DNAH5: variants seen among roughly 807,000 people sequenced by gnomAD.
DNAH5 encodes dynein axonemal heavy chain 5.
A neutral mutation model predicts 518.2 loss-of-function variants in DNAH5; 372 were observed. The observed-to-expected ratio is 0.72, with a 90% CI of 0.66 to 0.78. DNAH5 has a LOEUF of 0.78. DNAH5 is among the 30% of genes least tolerant of loss of function. DNAH5 has a pLI of 0.00. For synonymous variants in DNAH5, 2,039 were observed against 2,025.9 expected, an observed-to-expected ratio of 1.01 and a Z score of -0.17; for missense variants, 5,523 against 5,687.0, an observed-to-expected ratio of 0.97 and a Z score of 0.93.
chr5:13,850,207 A>T (rs903418644), intron 31 of DNAH5, among the ~76,000 whole-genome samples: 1 of 152,210 alleles, frequency 6.6e-6, no homozygotes, highest in Non-Finnish European at 1.5e-5. Flanking sequence ...TGACTCTTGG[A>T]ATTCACAACG....
chr5:13,695,424 G>A lies in DNAH5; in HGVS notation c.13724-3289C>T, dbSNP rs150226205. 2.5e-3 allele frequency among the ~76,000 whole-genome samples: 379 copies of A among 152,254 alleles called. 5 individuals carry two copies. The highest frequency in any genetic ancestry group is 2.0e-3 in the Non-Finnish European group (137 of 68,018). On this transcript the variant is annotated intron_variant, in intron 78 of 78. Transcript: ENST00000265104. Reference sequence around the variant, plus strand: ...CTGAGAAAAATTAACTCAGGACTTCGATATTCAAGGGAGCTGTCCTCATTT... The same window carrying A: ...CTGAGAAAAATTAACTCAGGACTTCAATATTCAAGGGAGCTGTCCTCATTT...
At chr5:13,785,018 G>A (rs535809252) in intron 52 of DNAH5, among the ~76,000 whole-genome samples, 4 of 151,954 alleles carry the variant, frequency 2.6e-5, no homozygotes, top group African/African-American at 7.2e-5. Context: ...TGATTCAAGC[G>A]CATTACATTT....
upstream of DNAH5, among the ~76,000 whole-genome samples, chr5:13,945,054 T>C (rs1560986088): frequency 1.3e-5 from 2 of 152,210 alleles, no homozygotes; most frequent in Admixed American, 1.3e-4. Flanking sequence ...GGAGCCATTT[T>C]CTCCACCACA....
At chr5:13,986,446 T>C (rs915326084) in intron 1 of DNAH5, among the ~76,000 whole-genome samples, 1 of 152,164 alleles carries the variant, frequency 6.6e-6, no homozygotes, top group African/African-American at 2.4e-5. Context: ...AGAGTTTCCA[T>C]CCCTGAATTT....
chr5:13,699,025 G>A (rs910511330), intron 78 of DNAH5, among the ~76,000 whole-genome samples: 1 of 152,142 alleles, frequency 6.6e-6, no homozygotes, highest in Non-Finnish European at 1.5e-5. Context: ...CCACGAGAAT[G>A]GGAAGCCTGT....
At chr5:13,837,949 T>C (rs916132614) in intron 35 of DNAH5, among the ~76,000 whole-genome samples, 1 of 151,988 alleles carries the variant, frequency 6.6e-6, no homozygotes, top group Non-Finnish European at 1.5e-5. Context: ...TTCCACCCAC[T>C]TCGGCCTCCC....
intron 1 of DNAH5, among the ~76,000 whole-genome samples, chr5:13,989,202 A>G (rs534595342): frequency 5.3e-5 from 8 of 152,252 alleles, no homozygotes; most frequent in African/African-American, 1.7e-4. Context: ...CAGTGGGTGG[A>G]ACTATTTCTT....
chr5:13,902,174 A>G, intron 12 of DNAH5, 36 bp from the exon 13 acceptor site: 1 of 1,465,798 alleles, frequency 6.8e-7, no homozygotes, highest in East Asian at 2.3e-5. Flanking sequence ...GAACAATAGA[A>G]TTGGGAATTT....
rs537266291 is a variant in DNAH5 at position 13,873,880 on chromosome 5, T to A, written c.3397-2115A>T. Among the ~76,000 whole-genome samples the A allele has an allele frequency of 4.6e-5, 7 of 152,304 alleles. No individual in the cohort carries two copies. The East Asian group carries it at 1.3e-3, about 29-fold the overall frequency. On this transcript the variant is annotated intron_variant, in intron 22 of 78. Transcript: ENST00000265104. ...CTTATATTATGATTTCAGAGTTACA[T>A]CTGCATGAAAAACAAATTTAGCTGA...
intron 1 of DNAH5, among the ~76,000 whole-genome samples, chr5:13,996,848 C>T (rs1309414507): frequency 2.0e-5 from 3 of 152,244 alleles, no homozygotes; most frequent in African/African-American, 7.2e-5. Context: ...GCCCCAATCC[C>T]ACAACTTCAC....
chr5:13,708,389 T>G, intron 75 of DNAH5, 54 bp from the exon 76 acceptor site: 1 of 1,581,186 alleles, frequency 6.3e-7, no homozygotes, highest in Non-Finnish European at 8.7e-7. Context: ...AAGGATTTTA[T>G]AGACCTGGTG....
chr5:13,882,890 C>A lies in DNAH5; in HGVS notation c.3174+14G>T, dbSNP rs774005144. The A allele has an allele frequency of 1.2e-6, 2 of 1,614,026 alleles. No individual in the cohort carries two copies. The highest frequency in any genetic ancestry group is 1.7e-6 in the Non-Finnish European group (2 of 1,180,010). ...TGGTTTCCATATGAAACCATTTCTGCACCCCATACCCACCTTGGACAACAG... is the reference window on the plus strand; with the variant it reads ...TGGTTTCCATATGAAACCATTTCTGAACCCCATACCCACCTTGGACAACAG... On this transcript the variant is annotated intron_variant, in intron 20 of 78. Transcript: ENST00000265104.
intron 74 of DNAH5, 37 bp from the exon 75 acceptor site, chr5:13,714,657 A>C (rs907520818): frequency 6.2e-7 from 1 of 1,600,202 alleles, no homozygotes; most frequent in African/African-American, 1.3e-5. Flanking sequence ...ACAGACTGCC[A>C]ACATAAGCAC....
intron 1 of DNAH5, among the ~76,000 whole-genome samples, chr5:13,978,966 C>A (rs1050030586): frequency 6.6e-6 from 1 of 152,134 alleles, no homozygotes; most frequent in Non-Finnish European, 1.5e-5. Flanking sequence ...ACCTGGCCAG[C>A]CTCCTCTGCC....
At chr5:13,900,009 C>T in intron 15 of DNAH5, 197 bp downstream of exon 15, 1 of 587,776 alleles carries the variant, frequency 1.7e-6, no homozygotes, top group African/African-American at 1.9e-5. Flanking sequence ...AAAACCCAAG[C>T]TTCTCATCTT....
At chr5:13,983,342 A>C (rs1465151559) in intron 1 of DNAH5, among the ~76,000 whole-genome samples, 1 of 152,242 alleles carries the variant, frequency 6.6e-6, no homozygotes, top group Non-Finnish European at 1.5e-5. Flanking sequence ...TGGCTGGGGC[A>C]GTGGTTCTTG....
chr5:13,787,405 C>G (rs1357423539), intron 51 of DNAH5, among the ~76,000 whole-genome samples: 1 of 152,034 alleles, frequency 6.6e-6, no homozygotes, highest in Non-Finnish European at 1.5e-5. Context: ...TGACTGTGTC[C>G]TAACATAATA....
intron 74 of DNAH5, 58 bp downstream of exon 74, chr5:13,716,429 C>A: frequency 7.7e-7 from 1 of 1,292,712 alleles, no homozygotes; most frequent in African/African-American, 1.5e-5. Context: ...AATTAATACC[C>A]AAAACTCAAG....
rs1774569455 is a variant in DNAH5, at chr5:13,901,251, C to A, written c.2052+1G>T. On this transcript the variant is annotated splice_donor_variant, in intron 14 of 78. Transcript: ENST00000265104. LOFTEE classifies it high-confidence loss of function. ...GGAAGAGTATAAATTTAGGGACTCACTTGCCGAAGCCACGCCCTGTGGAAG... is the reference window on the plus strand; with the variant it reads ...GGAAGAGTATAAATTTAGGGACTCAATTGCCGAAGCCACGCCCTGTGGAAG... 4.3e-6 allele frequency: 7 copies of A among 1,613,296 alleles called. No homozygotes were observed. The highest frequency in any genetic ancestry group is 5.9e-6 in the Non-Finnish European group (7 of 1,180,004).
Sources: gnomAD v4.1 joint callset for allele counts (sites outside exome capture counted in the v4.1 genomes callset) on GRCh38, gnomAD v4.1.1 for gene constraint, MANE v1.5 for transcripts, NCBI Gene and HGNC (gene_info 2026-07-23, HGNC 2026-07-21) for gene names.